The following DNAI2 variants were observed in gnomAD, a reference collection of about 807,000 sequenced individuals.
DNAI2 encodes the protein dynein axonemal intermediate chain 2.
A neutral mutation model predicts 74.7 loss-of-function variants in DNAI2; 63 were observed. The ratio of observed to expected loss-of-function variants is 0.84; its 90% CI spans 0.69 to 1.04. The LOEUF (loss-of-function observed/expected upper bound fraction) is 1.04, where lower values mean the gene tolerates loss of function less well. Ranked by LOEUF, DNAI2 falls within the 50% of genes least tolerant of loss-of-function variation. The probability of loss-of-function intolerance (pLI) is 0.00; values close to 1 mark genes in which losing one functional copy is unlikely to be tolerated. For missense variants in DNAI2, 688 were observed against 803.2 expected, an observed-to-expected ratio of 0.86 and a Z score of 1.73; for synonymous variants, 289 against 314.9, an observed-to-expected ratio of 0.92 and a Z score of 0.87.
intron 1 of DNAI2, among the ~76,000 whole-genome samples, chr17:74,277,007 G>A (rs908475305): frequency 5.9e-5 from 9 of 152,158 alleles, no homozygotes; most frequent in Non-Finnish European, 1.3e-4. Flanking sequence ...GGGGCACCCC[G>A]CTACAATCTG....
At chr17:74,293,366 A>C (rs941672815) in intron 6 of DNAI2, among the ~76,000 whole-genome samples, 4 of 152,060 alleles carry the variant, frequency 2.6e-5, no homozygotes, top group African/African-American at 9.7e-5. Flanking sequence ...ATAATTGTTA[A>C]GTTTTCCTAG....
intron 3 of DNAI2, 97 bp downstream of exon 3, chr17:74,285,298 G>A (rs1210699413): frequency 2.3e-5 from 34 of 1,477,330 alleles, no homozygotes; most frequent in South Asian, 6.0e-5. Flanking sequence ...ATCGCTGTGA[G>A]GCTCGTGTGA....
rs747980486 is a variant in DNAI2, at chr17:74,301,185, G to T, written c.987+17G>T. The T allele has an allele frequency of 8.7e-5, 141 of 1,613,114 alleles. 1 individual carries two copies. Among genetic ancestry groups the T allele is most frequent in the Non-Finnish European group, 1.8e-5 (21 of 1,179,356 alleles). On this transcript the variant is annotated intron_variant, in intron 8 of 13. Coordinates refer to ENST00000311014, the MANE Select transcript of DNAI2 (RefSeq NM_023036.6). Reference sequence around the variant, plus strand: ...TCTACTTTGGTGAGTGTCCCTTGCTGTCCCTTCCCCGACTTGCATTGACAG... The same window carrying T: ...TCTACTTTGGTGAGTGTCCCTTGCTTTCCCTTCCCCGACTTGCATTGACAG...
chr17:74,286,166 C>T (rs2051715806), intron 3 of DNAI2, among the ~76,000 whole-genome samples: 2 of 151,330 alleles, frequency 1.3e-5, no homozygotes, highest in South Asian at 4.2e-4. Context: ...TGTGGTGGCA[C>T]ATGCCTGTAG....
intron 1 of DNAI2, chr17:74,281,405 T>G (rs2051380582): frequency 2.6e-6 from 1 of 380,066 alleles, no homozygotes; most frequent in Non-Finnish European, 4.7e-6. Flanking sequence ...ATTACAGGTG[T>G]GCACCACCAT....
At position 74,314,690 on chromosome 17, in the gene DNAI2, A is replaced by G. The variant is rs950198572; in HGVS notation, c.*157A>G. ...GATCGACCCTCCTCGTCCACCTACA[A>G]ATCAGGAACAGAAAGTCTGTCCACT... On this transcript the variant is annotated 3_prime_UTR_variant, in exon 14 of 14. Coordinates refer to ENST00000311014, the MANE Select transcript of DNAI2 (RefSeq NM_023036.6). 7.0e-5 allele frequency: 15 copies of G among 213,792 alleles called. No homozygotes were observed. Among genetic ancestry groups the G allele is most frequent in the African/African-American group, 2.9e-4 (13 of 44,642 alleles). The allele number at this position is 213,792 out of a possible 1,614,324, so 13.2% of individuals were successfully genotyped here. A position where few individuals can be genotyped will look rare whatever the true frequency, so the allele number is the denominator to read the frequency against.
At position 74,309,391 on chromosome 17, in the gene DNAI2, C is replaced by G; in HGVS notation, c.1347+3C>G. 6.2e-7 allele frequency: 1 copy of G among 1,614,186 alleles called. No homozygotes were observed. The highest frequency in any genetic ancestry group is 8.5e-7 in the Non-Finnish European group (1 of 1,180,032). ...GCGATCCCACCCTCAGCTTGAAGGT[C>G]ACGCGCATGTCCCTCCTTGTGCATC... is the stretch of plus-strand genomic sequence containing the variant. On this transcript the variant is annotated splice_donor_region_variant and intron_variant, in intron 10 of 13. Transcript: ENST00000311014.
rs1183237509 is a variant in DNAI2, at chr17:74,312,144, AG to A, written c.1637del (p.Ser546ThrfsTer15). The part of the protein sequence containing the change: ...ELAVDLEALV[S>X]KAEEEFFDII... ...GGCCGTAGACCTGGAGGCGCTGGTC[AG>A]CAAGGCCGAGGAGGAGTTCTTCGAC... On this transcript the variant is annotated frameshift_variant, in exon 12 of 14. Transcript: ENST00000311014. LOFTEE classifies it high-confidence loss of function. 1.2e-6 allele frequency: 2 copies of A among 1,613,686 alleles called. No individual in the cohort carries two copies. Among genetic ancestry groups the A allele is most frequent in the Non-Finnish European group, 1.7e-6 (2 of 1,179,954 alleles).
At chr17:74,302,951 G>C (rs576952990) in intron 8 of DNAI2, among the ~76,000 whole-genome samples, 1 of 152,340 alleles carries the variant, frequency 6.6e-6, no homozygotes, top group African/African-American at 2.4e-5. Context: ...AGGTTGGGGT[G>C]GCGAGGGCTC....
intron 6 of DNAI2, among the ~76,000 whole-genome samples, chr17:74,292,208 C>T (rs2052152376): frequency 6.6e-6 from 1 of 152,162 alleles, no homozygotes; most frequent in Non-Finnish European, 1.5e-5. Context: ...TCAGTGAAGC[C>T]ATCTGGTCCC....
Position 74,287,009 on chromosome 17 carries a change from C to A in DNAI2, c.378C>A (p.Ala126=). ...IMEHCIKQNN[A]IDIYEEYFND... ...AGCACTGCATCAAGCAGAACAATGC[C>A]ATTGACATCTATGAAGAGTATTTCA... The change falls in exon 4 of 14, where the codon GCC becomes GCA. Residue 126 remains alanine (A), a synonymous_variant. Transcript: ENST00000311014. 6.2e-7 allele frequency: 1 copy of A among 1,613,866 alleles called. No homozygotes were observed. The highest frequency in any genetic ancestry group is 8.5e-7 in the Non-Finnish European group (1 of 1,179,834).
At chr17:74,303,350 G>A (rs896797222) in intron 8 of DNAI2, among the ~76,000 whole-genome samples, 2 of 152,106 alleles carry the variant, frequency 1.3e-5, no homozygotes, top group African/African-American at 4.8e-5. Context: ...CTCACTGACG[G>A]GCGGCGTGCA....
chr17:74,290,672 G>T (rs2052034028), intron 5 of DNAI2, among the ~76,000 whole-genome samples: 1 of 151,076 alleles, frequency 6.6e-6, no homozygotes, highest in Non-Finnish European at 1.5e-5. Flanking sequence ...CACAGACCTG[G>T]TTGGAAGAAA....
intron 8 of DNAI2, among the ~76,000 whole-genome samples, chr17:74,302,114 G>A (rs1037248859): frequency 4.3e-4 from 57 of 133,452 alleles, no homozygotes; most frequent in Non-Finnish European, 4.3e-4. Context: ...AAGGAAGGAA[G>A]GAAGGAAAGA....
At chr17:74,274,986 G>A (rs1007202539) in intron 1 of DNAI2, among the ~76,000 whole-genome samples, 8 of 152,270 alleles carry the variant, frequency 5.3e-5, no homozygotes, top group African/African-American at 1.9e-4. Flanking sequence ...CAGACCCTAT[G>A]TGTTTTCCTC....
At position 74,305,569 on chromosome 17, in the gene DNAI2, C is replaced by T. The variant is rs73360668; in HGVS notation, c.1211+127C>T. The T allele has an allele frequency of 6.3e-3, 4,959 of 791,922 alleles. 178 individuals are homozygous for T. In the African/African-American group the frequency reaches 0.075, roughly 12 times the overall value. 49.1% of individuals were successfully genotyped at this position (791,922 alleles called of 1,614,324 possible). ...GGAGAAAAACCTTTCCACAAACACC[C>T]GAGCTCGTGTTAGCAAGTGACTTGC... On this transcript the variant is annotated intron_variant, in intron 9 of 13. Coordinates refer to ENST00000311014, the MANE Select transcript of DNAI2 (RefSeq NM_023036.6).
At position 74,297,191 on chromosome 17, in the gene DNAI2, T is replaced by C. The variant is rs556919699; in HGVS notation, c.725-2527T>C. Among the ~76,000 whole-genome samples, 54 of 152,204 alleles carry C rather than the reference T, an allele frequency of 3.5e-4. No individual in the cohort carries two copies. The South Asian group carries it at 8.3e-3, about 23-fold the overall frequency. ...AGCTCCGCCTCCCAGGTTCATGCCA[T>C]TCTCCTGCCTCAGCCTCCCGAGTAG... is the stretch of plus-strand genomic sequence containing the variant. On this transcript the variant is annotated intron_variant, in intron 6 of 13. Coordinates refer to ENST00000311014, the MANE Select transcript of DNAI2 (RefSeq NM_023036.6).
At chr17:74,312,351 C>A (rs1349676519) in intron 12 of DNAI2, 121 bp downstream of exon 12, 2 of 732,536 alleles carry the variant, frequency 2.7e-6, no homozygotes, top group East Asian at 5.4e-5. Context: ...CCTGCTAGAT[C>A]TTAATTTATT....
At chr17:74,296,306 C>T (rs1484229160) in intron 6 of DNAI2, among the ~76,000 whole-genome samples, 1 of 112,032 alleles carries the variant, frequency 8.9e-6, no homozygotes, top group African/African-American at 3.1e-5. Flanking sequence ...GAGATCTTGC[C>T]TTTAAAGAGA....
Sources: gnomAD v4.1 joint callset for allele counts (sites outside exome capture counted in the v4.1 genomes callset) on GRCh38, gnomAD v4.1.1 for gene constraint, MANE v1.5 for transcripts, NCBI Gene and HGNC (gene_info 2026-07-23, HGNC 2026-07-21) for gene names.